The following USH2A variants were observed in gnomAD, a reference collection of about 807,000 sequenced individuals.
The protein encoded by USH2A is Usher syndrome 2A (autosomal recessive, mild).
Under a neutral mutation model 538.9 loss-of-function variants are expected in USH2A, and 443 were observed. The ratio of observed to expected loss-of-function variants is 0.82; its 90% CI spans 0.76 to 0.89. USH2A has a LOEUF of 0.89. Among genes scored for constraint, USH2A ranks in the 40% least tolerant of loss-of-function variants. USH2A has a pLI of 0.00. For missense variants in USH2A, 6,633 were observed against 6,324.8 expected, an observed-to-expected ratio of 1.05 and a Z score of -1.65; for synonymous variants, 2,413 against 2,273.5, an observed-to-expected ratio of 1.06 and a Z score of -1.75.
intron 61 of USH2A, among the ~76,000 whole-genome samples, chr1:215,697,962 T>C (rs1353705973): frequency 1.3e-5 from 2 of 152,210 alleles, no homozygotes; most frequent in African/African-American, 2.4e-5. Context: ...TTTCTCCTAA[T>C]GTTACCCCTC....
At chr1:216,086,299 G>A (rs1278644797) in intron 24 of USH2A, among the ~76,000 whole-genome samples, 4 of 151,994 alleles carry the variant, frequency 2.6e-5, no homozygotes, top group African/African-American at 9.7e-5. Flanking sequence ...AATATCTAGG[G>A]ATTGGTTTAG....
At chr1:216,351,675 G>T (rs1383406593) in intron 4 of USH2A, among the ~76,000 whole-genome samples, 1 of 146,486 alleles carries the variant, frequency 6.8e-6, no homozygotes, top group Non-Finnish European at 1.5e-5. Flanking sequence ...TATGGCTGCT[G>T]TGTTGAGAAT....
At chr1:215,801,460 C>A (rs1662331681) in intron 49 of USH2A, among the ~76,000 whole-genome samples, 1 of 148,200 alleles carries the variant, frequency 6.7e-6, no homozygotes. Context: ...ACAAAGTCAG[C>A]ATAGAAAAAC....
chr1:215,866,896 G>A, intron 44 of USH2A, 111 bp downstream of exon 44: 1 of 1,464,980 alleles, frequency 6.8e-7, no homozygotes, highest in South Asian at 1.2e-5. Flanking sequence ...AAATTTACCA[G>A]TAACACTTCA....
At chr1:215,852,117 T>C (rs765595430) in intron 44 of USH2A, among the ~76,000 whole-genome samples, 1 of 152,164 alleles carries the variant, frequency 6.6e-6, no homozygotes, top group African/African-American at 2.4e-5. Context: ...TATTAGTCTG[T>C]TCTCATGCTG....
chr1:215,635,284 C>T (rs1427010710), intron 69 of USH2A, among the ~76,000 whole-genome samples: 1 of 152,154 alleles, frequency 6.6e-6, no homozygotes, highest in Non-Finnish European at 1.5e-5. Context: ...TACATGGCCT[C>T]TCTGTTAAAG....
chr1:216,072,355 T>G (rs1158139484), intron 29 of USH2A: 1 of 187,538 alleles, frequency 5.3e-6, no homozygotes, highest in Admixed American at 5.4e-5. Context: ...ATTCAAAATA[T>G]ATTAAACCAA....
intron 27 of USH2A, among the ~76,000 whole-genome samples, chr1:216,076,067 G>A (rs1390757807): frequency 2.6e-5 from 4 of 152,068 alleles, no homozygotes; most frequent in South Asian, 2.1e-4. Context: ...CCTGATCACC[G>A]TATAAAACAT....
intron 49 of USH2A, among the ~76,000 whole-genome samples, chr1:215,808,636 A>G (rs554849350): frequency 2.2e-4 from 33 of 152,128 alleles, no homozygotes; most frequent in Non-Finnish European, 3.1e-4. Flanking sequence ...CTCCAAAACT[A>G]TGGTTTGTCT....
chr1:215,729,277 G>T (rs536704695), intron 60 of USH2A, among the ~76,000 whole-genome samples: 1 of 152,044 alleles, frequency 6.6e-6, no homozygotes, highest in Non-Finnish European at 1.5e-5. Flanking sequence ...ATGCTCTTTT[G>T]CAATTGTTCC....
At chr1:216,418,794 G>T in intron 2 of USH2A, 115 bp from the exon 3 acceptor site, 1 of 1,071,016 alleles carries the variant, frequency 9.3e-7, no homozygotes, top group Non-Finnish European at 1.4e-6. Context: ...TCAAAATGGT[G>T]TACTATGAAT....
At chr1:216,133,994 T>C (rs553451634) in intron 21 of USH2A, among the ~76,000 whole-genome samples, 50 of 152,246 alleles carry the variant, frequency 3.3e-4, no homozygotes, top group African/African-American at 1.1e-3. Context: ...TGATTGGATC[T>C]ATCATGTTGC....
intron 15 of USH2A, among the ~76,000 whole-genome samples, chr1:216,215,063 T>C (rs1362353995): frequency 6.6e-6 from 1 of 152,076 alleles, no homozygotes; most frequent in African/African-American, 2.4e-5. Flanking sequence ...AAGGGAAATT[T>C]ACTATAAGAA....
chr1:216,378,858 T>C (rs2038883281), intron 3 of USH2A, among the ~76,000 whole-genome samples: 1 of 152,194 alleles, frequency 6.6e-6, no homozygotes, highest in South Asian at 2.1e-4. Flanking sequence ...TATATTTTTA[T>C]AATTTTTTTT....
chr1:216,391,937 G>A (rs979170952), intron 3 of USH2A, among the ~76,000 whole-genome samples: 1 of 152,070 alleles, frequency 6.6e-6, no homozygotes, highest in South Asian at 2.1e-4. Flanking sequence ...GTGATGCTCT[G>A]CTTGCCTCTG....
intron 21 of USH2A, among the ~76,000 whole-genome samples, chr1:216,157,115 A>G (rs973011093): frequency 2.0e-5 from 3 of 152,028 alleles, no homozygotes; most frequent in Admixed American, 2.0e-4. Context: ...CTCGTGATCC[A>G]CCCACCTCGG....
At chr1:216,066,081 T>C (rs1029063429) in intron 30 of USH2A, among the ~76,000 whole-genome samples, 6 of 152,116 alleles carry the variant, frequency 3.9e-5, no homozygotes, top group Non-Finnish European at 7.3e-5. Context: ...TTTTCAAGTG[T>C]AAACCTTGGT....
intron 11 of USH2A, among the ~76,000 whole-genome samples, chr1:216,262,047 A>G (rs1472803439): frequency 1.3e-5 from 2 of 152,178 alleles, no homozygotes; most frequent in African/African-American, 4.8e-5. Context: ...TTAACACTCT[A>G]GAACTTATCT....
intron 47 of USH2A, among the ~76,000 whole-genome samples, chr1:215,822,716 C>A (rs1416367909): frequency 1.3e-5 from 2 of 151,824 alleles, no homozygotes; most frequent in Non-Finnish European, 2.9e-5. Flanking sequence ...GAAAGACTTT[C>A]ATTTTTTCCC....
Sources: gnomAD v4.1 joint callset for allele counts (sites outside exome capture counted in the v4.1 genomes callset) on GRCh38, gnomAD v4.1.1 for gene constraint, MANE v1.5 for transcripts, NCBI Gene and HGNC (gene_info 2026-07-23, HGNC 2026-07-21) for gene names.